BAG6: variants seen among roughly 807,000 people sequenced by gnomAD.
BAG6 encodes BAG cochaperone 6.
A neutral mutation model predicts 121.0 loss-of-function variants in BAG6; 22 were observed. The observed-to-expected ratio is 0.18, with a 90% CI of 0.13 to 0.26. BAG6 has a LOEUF of 0.26. Among genes scored for constraint, BAG6 ranks in the 10% least tolerant of loss-of-function variants. BAG6 has a pLI of 1.00. For missense variants in BAG6, 1,233 were observed against 1,537.7 expected (o/e 0.80, Z 3.31); for synonymous variants, 583 against 584.6 (o/e 1.00, Z 0.04).
chr6:31,646,284 C>T (rs1434832882), intron 8 of BAG6, 110 bp downstream of exon 8: 7 of 1,477,530 alleles, frequency 4.7e-6, no homozygotes, highest in African/African-American at 2.8e-5. Context: ...CTGCACCTGG[C>T]CCTGTTGCAA....
Position 31,646,512 on chromosome 6 carries a change from G to T in BAG6, c.800C>A (p.Pro267His). The T allele has an allele frequency of 6.2e-7, 1 of 1,612,626 alleles. No homozygotes were observed. The highest frequency in any genetic ancestry group is 8.5e-7 in the Non-Finnish European group (1 of 1,179,936). ...CTGGAGCACCTCGACATACTCCGCA[G>T]GGGAAGGATGGCTGTGGACAAACCC... is the stretch of plus-strand genomic sequence containing the variant. Reference protein sequence around the residue: ...PETNAPNHPSPAEYVEVLQEL... With the variant: ...PETNAPNHPSHAEYVEVLQEL... Residue 267 changes from proline to histidine, a missense_variant, in exon 8 of 26, where the codon CCT becomes CAT. This residue lies in a region of BAG6 where 777 missense variants were observed against 861.4 expected (regional missense o/e 0.90). Coordinates refer to ENST00000676615, the MANE Select transcript of BAG6 (RefSeq NM_001387994.1).
Position 31,639,524 on chromosome 6 carries a change from C to G in BAG6, c.3369G>C (p.Glu1123Asp). ...ESLSRDLEAP[E>D]VQESYRQQLR... ...CCTGCTGCCTGTAGCTCTCCTGAAC[C>G]TCTGGTGCCTCCAGGTCCCGGCTCA... Residue 1123 changes from glutamate to aspartate, a missense_variant, in exon 25 of 26, where the codon GAG becomes GAC. Glu to Asp is a conservative substitution (Grantham distance 45). Coordinates refer to ENST00000676615, the MANE Select transcript of BAG6 (RefSeq NM_001387994.1). The G allele has an allele frequency of 6.2e-7, 1 of 1,614,126 alleles. No individual in the cohort carries two copies.
Position 31,641,482 on chromosome 6 carries a change from G to C in BAG6, c.2559+57C>G. ...AAGAATCATAAGACTGGGAGTGGAG[G>C]AGGCAGCTGCCTTGACCAGACCCAG... On this transcript the variant is annotated intron_variant, in intron 18 of 25. Coordinates refer to ENST00000676615, the MANE Select transcript of BAG6 (RefSeq NM_001387994.1). The surrounding 1 kb of genome is among the most constrained non-coding windows in gnomAD (Gnocchi z 5.7). The C allele has an allele frequency of 1.9e-6, 3 of 1,613,924 alleles. No homozygotes were observed. Among genetic ancestry groups the C allele is most frequent in the Non-Finnish European group, 2.5e-6 (3 of 1,179,764 alleles).
intron 6 of BAG6, among the ~76,000 whole-genome samples, chr6:31,648,047 G>A (rs542246033): frequency 9.7e-4 from 142 of 146,028 alleles, no homozygotes; most frequent in African/African-American, 3.4e-3. Flanking sequence ...ACAGAGTCTC[G>A]CTCTGTTGCC....
chr6:31,650,960 T>C (rs1324053667), intron 2 of BAG6, among the ~76,000 whole-genome samples: 1 of 152,218 alleles, frequency 6.6e-6, no homozygotes, highest in Non-Finnish European at 1.5e-5. Flanking sequence ...ATCTCCATTA[T>C]GGGTTCTGAT....
intron 24 of BAG6, 160 bp from the exon 25 acceptor site, chr6:31,639,806 C>G (rs1168285883): frequency 3.3e-6 from 3 of 908,328 alleles, no homozygotes; most frequent in Non-Finnish European, 4.8e-6. Context: ...AGCAGAAATG[C>G]CTTCCTAATT....
chr6:31,648,778 T>G, intron 5 of BAG6, 27 bp from the exon 6 acceptor site: 1 of 1,613,388 alleles, frequency 6.2e-7, no homozygotes, highest in Non-Finnish European at 8.5e-7. Context: ...TTTATCAGGG[T>G]AGGTTACAGA....
intron 13 of BAG6, 22 bp from the exon 14 acceptor site, chr6:31,643,999 A>G (rs1481198276): frequency 6.2e-7 from 1 of 1,613,840 alleles, no homozygotes; most frequent in East Asian, 2.2e-5. Context: ...GCAAGGGAGA[A>G]TTTCAGACCT....
At chr6:31,646,905 C>A (rs1187453912) in intron 7 of BAG6, among the ~76,000 whole-genome samples, 1 of 150,686 alleles carries the variant, frequency 6.6e-6, no homozygotes, top group African/African-American at 2.4e-5. Flanking sequence ...TCCCGAGTAG[C>A]TGGGACTACA....
Position 31,643,390 on chromosome 6 carries a change from A to G in BAG6, c.1757-275T>C, listed in dbSNP as rs189636442. 7.3e-5 allele frequency among the ~76,000 whole-genome samples: 11 copies of G among 151,276 alleles called. No homozygotes were observed. In the East Asian group the frequency reaches 2.2e-3, roughly 30 times the overall value. On this transcript the variant is annotated intron_variant, in intron 14 of 25. Coordinates refer to ENST00000676615, the MANE Select transcript of BAG6 (RefSeq NM_001387994.1). ...TCACTGGATTGCACCATTGCACTCC[A>G]GTCTGGGTGACAGAGCAAGACTCTG...
chr6:31,645,499 C>T lies in BAG6; in HGVS notation c.1024G>A (p.Ala342Thr), dbSNP rs1788095933. 1.2e-6 allele frequency: 2 copies of T among 1,613,000 alleles called. No homozygotes were observed. Among genetic ancestry groups the T allele is most frequent in the African/African-American group, 1.3e-5 (1 of 74,926 alleles). The change falls in exon 9 of 26, where the codon GCC becomes ACC. Residue 342 changes from alanine to threonine, a missense_variant. Coordinates refer to ENST00000676615, the MANE Select transcript of BAG6 (RefSeq NM_001387994.1). The part of the protein sequence containing the change: ...VALSDLRCNL[A>T]CTPPRHLHVV... The stretch of plus-strand genomic sequence containing the variant: ...TGCAGGTGTCGTGGGGGCGTGCAGG[C>T]CAGATTGCAGCGCAGGTCAGACAGT...
rs1409485929 is a variant in BAG6, at chr6:31,641,579, G to A, written c.2519C>T (p.Thr840Ile). 1.2e-6 allele frequency: 2 copies of A among 1,614,148 alleles called. No individual in the cohort carries two copies. The highest frequency in any genetic ancestry group is 1.7e-6 in the Non-Finnish European group (2 of 1,179,980). ...TPSNIRMATHTLITGLEEYVR... is the reference protein window; with the variant it reads ...TPSNIRMATHILITGLEEYVR... ...ATACTCTTCTAGCCCCGTGATCAATGTGTGGGTTGCCATCTGTGGAGGAAA... is the reference window on the plus strand; with the variant it reads ...ATACTCTTCTAGCCCCGTGATCAATATGTGGGTTGCCATCTGTGGAGGAAA... Residue 840 changes from threonine to isoleucine, a missense_variant, in exon 18 of 26, where the codon ACA (threonine) becomes ATA (isoleucine). Transcript: ENST00000676615. The surrounding 1 kb of genome is among the most constrained non-coding windows in gnomAD (Gnocchi z 5.7).
intron 7 of BAG6, 76 bp downstream of exon 7, chr6:31,647,515 T>C: frequency 6.3e-7 from 1 of 1,584,150 alleles, no homozygotes; most frequent in Non-Finnish European, 8.6e-7. Flanking sequence ...TTTCCCTCCC[T>C]TGCCATGGTT....
Position 31,639,030 on chromosome 6 carries a change from G to T in BAG6, c.*101C>A. On this transcript the variant is annotated 3_prime_UTR_variant, in exon 26 of 26. Coordinates refer to ENST00000676615, the MANE Select transcript of BAG6 (RefSeq NM_001387994.1). Reference sequence around the variant, plus strand: ...CACACTACCTAATGGAGACAATGTAGAGAGAAAGCAGCCAGAAAAATCCGA... The same window carrying T: ...CACACTACCTAATGGAGACAATGTATAGAGAAAGCAGCCAGAAAAATCCGA... 1.1e-6 allele frequency: 1 copy of T among 903,824 alleles called. No homozygotes were observed. The highest frequency in any genetic ancestry group is 1.7e-6 in the Non-Finnish European group (1 of 589,854). The allele number at this position is 903,824 out of a possible 1,614,324, so 56.0% of individuals were successfully genotyped here. A position where few individuals can be genotyped will look rare whatever the true frequency, so the allele number is the denominator to read the frequency against.
chr6:31,650,074 C>A (rs1358132554), intron 2 of BAG6, among the ~76,000 whole-genome samples: 1 of 151,978 alleles, frequency 6.6e-6, no homozygotes, highest in Admixed American at 6.6e-5. Flanking sequence ...ACACTCTAGC[C>A]TGGGTGACAG....
At position 31,644,298 on chromosome 6, in the gene BAG6, G is replaced by C. The variant is rs780476520; in HGVS notation, c.1555+9C>G. The C allele has an allele frequency of 5.9e-4, 923 of 1,552,884 alleles. 1 individual carries two copies. The highest frequency in any genetic ancestry group is 7.4e-4 in the Non-Finnish European group (849 of 1,147,686). On this transcript the variant is annotated intron_variant, in intron 12 of 25. Coordinates refer to ENST00000676615, the MANE Select transcript of BAG6 (RefSeq NM_001387994.1). This position sits in a 1 kb window ranked among gnomAD's most constrained non-coding sequence, Gnocchi z 4.9. ...CCTACCTCCCAAGCCTCCCCTTCCA[G>C]GTCATTACCTGCGGCCGCGGAGGCA...
rs1782681605 is a variant in BAG6, at chr6:31,641,481, G to A, written c.2559+58C>T. The stretch of plus-strand genomic sequence containing the variant: ...CAAGAATCATAAGACTGGGAGTGGA[G>A]GAGGCAGCTGCCTTGACCAGACCCA... On this transcript the variant is annotated intron_variant, in intron 18 of 25. Coordinates refer to ENST00000676615, the MANE Select transcript of BAG6 (RefSeq NM_001387994.1). This position sits in a 1 kb window ranked among gnomAD's most constrained non-coding sequence, Gnocchi z 5.7. 1.9e-6 allele frequency: 3 copies of A among 1,613,648 alleles called. No homozygotes were observed. Among genetic ancestry groups the A allele is most frequent in the African/African-American group, 1.3e-5 (1 of 74,926 alleles).
At chr6:31,646,775 T>TG (rs1218071151) in intron 7 of BAG6, among the ~76,000 whole-genome samples, 5 of 129,268 alleles carry the variant, frequency 3.9e-5, no homozygotes, top group Admixed American at 7.9e-5. Flanking sequence ...TGTTTTTTTT[T>TG]TTTTTTTTTT....
chr6:31,644,797 C>T lies in BAG6; in HGVS notation c.1369+149G>A, dbSNP rs1355292465. Reference sequence around the variant, plus strand: ...AAAGACAAACCAACCCCCACACCCCCCACATCTGTCTACTTAAGCTTCTGC... The same window carrying T: ...AAAGACAAACCAACCCCCACACCCCTCACATCTGTCTACTTAAGCTTCTGC... On this transcript the variant is annotated intron_variant, in intron 10 of 25. Coordinates refer to ENST00000676615, the MANE Select transcript of BAG6 (RefSeq NM_001387994.1). This position sits in a 1 kb window ranked among gnomAD's most constrained non-coding sequence, Gnocchi z 4.9. The T allele has an allele frequency of 1.5e-6, 2 of 1,366,094 alleles. No individual in the cohort carries two copies. Among genetic ancestry groups the T allele is most frequent in the Non-Finnish European group, 1.0e-6 (1 of 988,718 alleles). 84.6% of individuals were successfully genotyped at this position (1,366,094 alleles called of 1,614,324 possible). A position where few individuals can be genotyped will look rare whatever the true frequency, so the allele number is the denominator to read the frequency against.
Sources: allele counts gnomAD v4.1 joint callset (sites outside exome capture counted in the v4.1 genomes callset), GRCh38; gene constraint gnomAD v4.1.1; regional missense constraint gnomAD v4.1.1; non-coding constraint Gnocchi (gnomAD v3.1); transcripts MANE v1.5; gene names NCBI Gene and HGNC (gene_info 2026-07-23, HGNC 2026-07-21).